YPEL2: variants seen among roughly 807,000 people sequenced by gnomAD.
YPEL2 encodes the protein protein yippee-like 2.
YPEL2 carries 2 observed loss-of-function variants against 19.1 expected under a neutral mutation model. The ratio of observed to expected loss-of-function variants is 0.10; its 90% CI spans 0.04 to 0.33. The LOEUF (loss-of-function observed/expected upper bound fraction) is 0.33. Ranked by LOEUF, YPEL2 falls within the 10% of genes least tolerant of loss-of-function variation. The pLI is 1.00. For missense variants in YPEL2, 66 were observed against 140.7 expected (o/e 0.47, Z 2.68); for synonymous variants, 52 against 50.0 (o/e 1.04, Z -0.17).
intron 1 of YPEL2, among the ~76,000 whole-genome samples, chr17:59,334,728 A>G (rs898027719): frequency 5.9e-5 from 9 of 152,220 alleles, no homozygotes; most frequent in Non-Finnish European, 7.3e-5. Flanking sequence ...ACTCTATCCA[A>G]ATTCAACTTC....
chr17:59,388,347 A>C lies in YPEL2; in HGVS notation c.138A>C (p.Gly46=). ...LISKSFQGSQ[G]RAYLFNSVVN... ...TTCAGTCATTCCAAGGAAGTCAAGG[A>C]CGAGCATACCTCTTTAACTCAGTGT... Residue 46 remains glycine, a synonymous_variant, in exon 3 of 5, where the codon GGA becomes GGC. Transcript: ENST00000312655. 1 of 1,614,172 alleles carries C rather than the reference A, an allele frequency of 6.2e-7. No homozygotes were observed. Among genetic ancestry groups the C allele is most frequent in the Non-Finnish European group, 8.5e-7 (1 of 1,180,010 alleles).
chr17:59,367,508 A>T (rs531026765), intron 2 of YPEL2, among the ~76,000 whole-genome samples: 1 of 152,358 alleles, frequency 6.6e-6, no homozygotes, highest in African/African-American at 2.4e-5. Flanking sequence ...ATGAGCATGG[A>T]TGTTTTCCAG....
chr17:59,397,843 T>TG lies in YPEL2; in HGVS notation c.*658dup. 1 of 152,264 alleles carries TG rather than the reference T, an allele frequency of 6.6e-6. No individual in the cohort carries two copies. 9.4% of individuals were successfully genotyped at this position (152,264 alleles called of 1,614,324 possible). A position where few individuals can be genotyped will look rare whatever the true frequency, so the allele number is the denominator to read the frequency against. ...AAGGGCCTGGTTCTCCTGGGCTGAG[T>TG]GGGGGAGTGTCCTGGCAGCAGCGAG... On this transcript the variant is annotated 3_prime_UTR_variant, in exon 5 of 5. Coordinates refer to ENST00000312655, the MANE Select transcript of YPEL2 (RefSeq NM_001005404.4).
chr17:59,341,980 T>C (rs2047733713), intron 1 of YPEL2, among the ~76,000 whole-genome samples: 1 of 152,228 alleles, frequency 6.6e-6, no homozygotes, highest in African/African-American at 2.4e-5. Context: ...TTTAGACATA[T>C]AAGCAACCTT....
At chr17:59,383,103 G>A (rs947009465) in intron 2 of YPEL2, among the ~76,000 whole-genome samples, 4 of 152,124 alleles carry the variant, frequency 2.6e-5, no homozygotes, top group African/African-American at 9.7e-5. Context: ...ATTCCTAATT[G>A]TATAGATATA....
intron 4 of YPEL2, among the ~76,000 whole-genome samples, chr17:59,396,324 TC>T (rs1299606655): frequency 6.6e-6 from 1 of 152,246 alleles, no homozygotes; most frequent in East Asian, 1.9e-4. Flanking sequence ...CATGAAAGTC[TC>T]TGCACTCCAT....
At chr17:59,364,721 A>C (rs1316045101) in intron 2 of YPEL2, among the ~76,000 whole-genome samples, 1 of 150,876 alleles carries the variant, frequency 6.6e-6, no homozygotes, top group Non-Finnish European at 1.5e-5. Context: ...GAGTTGAAGC[A>C]ATTCTCCTAT....
intron 2 of YPEL2, among the ~76,000 whole-genome samples, chr17:59,369,647 A>G (rs1598041783): frequency 6.6e-6 from 1 of 152,184 alleles, no homozygotes; most frequent in South Asian, 2.1e-4. Flanking sequence ...TCCCGGTCTG[A>G]TGTAACCAGT....
intron 1 of YPEL2, among the ~76,000 whole-genome samples, chr17:59,345,540 T>C (rs2047751654): frequency 6.6e-6 from 1 of 152,294 alleles, no homozygotes; most frequent in African/African-American, 2.4e-5. Context: ...GAGATAACTT[T>C]TTCAATACAG....
rs2047875730 is a variant in YPEL2 at position 59,367,397 on chromosome 17, A to G, written c.117+13871A>G. On this transcript the variant is annotated intron_variant, in intron 2 of 4. Coordinates refer to ENST00000312655, the MANE Select transcript of YPEL2 (RefSeq NM_001005404.4). ...TCCCTGTTTTTTGGGCTAGATCCAA[A>G]GGTCTGCAAAACTTTTTCTATAAAG... Among the ~76,000 whole-genome samples, 3 of 152,210 alleles carry G rather than the reference A, an allele frequency of 2.0e-5. No individual in the cohort carries two copies. The South Asian group carries it at 6.2e-4, about 32-fold the overall frequency.
At position 59,397,209 on chromosome 17, in the gene YPEL2, A is replaced by T. The variant is rs772457644; in HGVS notation, c.*19A>T. The T allele has an allele frequency of 1.3e-6, 2 of 1,572,540 alleles. No individual in the cohort carries two copies. Among genetic ancestry groups the T allele is most frequent in the Non-Finnish European group, 1.7e-6 (2 of 1,156,768 alleles). On this transcript the variant is annotated 3_prime_UTR_variant, in exon 5 of 5. Transcript: ENST00000312655. ...GGACTGATTGGACAGCATCTACCCA[A>T]CCCAGTGTCCACGTGAACGCCATTC...
chr17:59,348,552 G>A (rs977957722), intron 1 of YPEL2, among the ~76,000 whole-genome samples: 1 of 152,234 alleles, frequency 6.6e-6, no homozygotes, highest in Non-Finnish European at 1.5e-5. Context: ...TCGAGGTGGT[G>A]TATCGAAGAT....
At chr17:59,341,391 CA>C (rs1016471938) in intron 1 of YPEL2, among the ~76,000 whole-genome samples, 105 of 129,854 alleles carry the variant, frequency 8.1e-4, no homozygotes, top group African/African-American at 2.7e-3. Context: ...GACTCCGTCT[CA>C]AAAAAAAAAG....
chr17:59,353,565 G>C lies in YPEL2; in HGVS notation c.117+39G>C, dbSNP rs1375936567. 1 of 1,505,316 alleles carries C rather than the reference G, an allele frequency of 6.6e-7. No homozygotes were observed. Among genetic ancestry groups the C allele is most frequent in the African/African-American group, 1.4e-5 (1 of 72,680 alleles). The allele number at this position is 1,505,316 out of a possible 1,614,324, so 93.2% of individuals were successfully genotyped here. On this transcript the variant is annotated intron_variant, in intron 2 of 4. Transcript: ENST00000312655. The surrounding 1 kb of genome is among the most constrained non-coding windows in gnomAD (Gnocchi z 4.8). ...GCAGGCCTTCCTTGCCTACCCCGGGGAGGGCGCTTAGTGCTCCTGAAGTTG... is the reference window on the plus strand; with the variant it reads ...GCAGGCCTTCCTTGCCTACCCCGGGCAGGGCGCTTAGTGCTCCTGAAGTTG...
At chr17:59,371,911 CT>C (rs2047899137) in intron 2 of YPEL2, among the ~76,000 whole-genome samples, 1 of 152,220 alleles carries the variant, frequency 6.6e-6, no homozygotes, top group African/African-American at 2.4e-5. Context: ...GGTCTCACTT[CT>C]TTGGGGAATG....
At chr17:59,351,937 A>G (rs1598031280) in intron 1 of YPEL2, among the ~76,000 whole-genome samples, 1 of 152,218 alleles carries the variant, frequency 6.6e-6, no homozygotes, top group Admixed American at 6.5e-5. Flanking sequence ...AAAGTGTCCC[A>G]GAAGTATGGC....
At chr17:59,374,217 G>T (rs1279927235) in intron 2 of YPEL2, among the ~76,000 whole-genome samples, 1 of 152,178 alleles carries the variant, frequency 6.6e-6, no homozygotes, top group African/African-American at 2.4e-5. Flanking sequence ...ACCCAGTTAT[G>T]TTCCATTTCT....
At chr17:59,376,822 G>A (rs1209425905) in intron 2 of YPEL2, among the ~76,000 whole-genome samples, 2 of 151,678 alleles carry the variant, frequency 1.3e-5, no homozygotes, top group Admixed American at 1.3e-4. Context: ...GGTGGTGGGC[G>A]CCTGTACTCC....
At chr17:59,381,591 G>A (rs2047949495) in intron 2 of YPEL2, among the ~76,000 whole-genome samples, 1 of 152,096 alleles carries the variant, frequency 6.6e-6, no homozygotes, top group Admixed American at 6.5e-5. Flanking sequence ...CTGCCTTCCA[G>A]ACTTGCAAAG....
Sources: allele counts gnomAD v4.1 joint callset (sites outside exome capture counted in the v4.1 genomes callset), GRCh38; gene constraint gnomAD v4.1.1; non-coding constraint Gnocchi (gnomAD v3.1); transcripts MANE v1.5; gene names NCBI Gene and HGNC (gene_info 2026-07-23, HGNC 2026-07-21).